SLC7A2: variants seen among roughly 807,000 people sequenced by gnomAD.
SLC7A2 encodes cationic amino acid transporter 2.
SLC7A2 carries 48 observed loss-of-function variants against 58.9 expected under a neutral mutation model. The ratio of observed to expected loss-of-function variants is 0.82; its 90% confidence interval spans 0.65 to 1.04. The LOEUF is 1.04. Among genes scored for constraint, SLC7A2 ranks in the 50% least tolerant of loss-of-function variants. SLC7A2 has a pLI of 0.00. For missense variants in SLC7A2, 1,029 were observed against 818.8 expected, an observed-to-expected ratio of 1.26 and a Z score of -3.13; for synonymous variants, 363 against 314.5, an observed-to-expected ratio of 1.15 and a Z score of -1.63.
At chr8:17,503,055 A>T (rs1449329189) in intron 2 of SLC7A2, among the ~76,000 whole-genome samples, 2 of 151,536 alleles carry the variant, frequency 1.3e-5, no homozygotes, top group African/African-American at 4.8e-5. Flanking sequence ...TATTTATTTT[A>T]TTTTATTTTT....
intron 2 of SLC7A2, among the ~76,000 whole-genome samples, chr8:17,510,247 TA>T (rs1283072980): frequency 6.6e-6 from 1 of 151,480 alleles, no homozygotes; most frequent in African/African-American, 2.4e-5. Flanking sequence ...ATAATAATAA[TA>T]ATAATAAAAG....
intron 7 of SLC7A2, among the ~76,000 whole-genome samples, chr8:17,552,905 T>C (rs1044932517): frequency 1.3e-5 from 2 of 152,220 alleles, no homozygotes; most frequent in Admixed American, 1.3e-4. Flanking sequence ...AATAAGGTTC[T>C]GAAAGTCTGA....
chr8:17,507,001 A>G (rs902085501), intron 2 of SLC7A2, among the ~76,000 whole-genome samples: 2 of 150,796 alleles, frequency 1.3e-5, no homozygotes, highest in Non-Finnish European at 2.9e-5. Flanking sequence ...CTGGAGTGCA[A>G]TGGTGCAATC....
At chr8:17,535,747 A>G (rs2150722202) in intron 2 of SLC7A2, among the ~76,000 whole-genome samples, 1 of 152,246 alleles carries the variant, frequency 6.6e-6, no homozygotes, top group Non-Finnish European at 1.5e-5. Flanking sequence ...TACTAAAAAT[A>G]CAAAAATTAG....
chr8:17,543,079 A>T (rs932505630), intron 2 of SLC7A2, among the ~76,000 whole-genome samples: 8 of 152,150 alleles, frequency 5.3e-5, no homozygotes, highest in Non-Finnish European at 1.0e-4. Context: ...GCAGTCTCTT[A>T]TAAGGGGACG....
At chr8:17,523,116 C>G (rs1801082992) in intron 2 of SLC7A2, among the ~76,000 whole-genome samples, 1 of 151,990 alleles carries the variant, frequency 6.6e-6, no homozygotes, top group East Asian at 1.9e-4. Context: ...TGTAACAAAC[C>G]TGCATGTTCT....
At chr8:17,520,023 G>A (rs76973246) in intron 2 of SLC7A2, among the ~76,000 whole-genome samples, 5,839 of 152,212 alleles carry the variant, frequency 0.038, 167 homozygotes, top group Middle Eastern at 0.17. Flanking sequence ...AAGAATTAGT[G>A]ATGATCAGAG....
chr8:17,550,149 C>T (rs1339002268), intron 5 of SLC7A2, 152 bp from the exon 6 acceptor site: 8 of 684,734 alleles, frequency 1.2e-5, no homozygotes, highest in Non-Finnish European at 1.5e-5. Flanking sequence ...TTCTGTAGCA[C>T]AGGGTGAGAG....
At position 17,544,672 on chromosome 8, in the gene SLC7A2, C is replaced by T; in HGVS notation, c.532+66C>T. On this transcript the variant is annotated intron_variant, in intron 4 of 12. Coordinates refer to ENST00000494857, the MANE Select transcript of SLC7A2 (RefSeq NM_001370338.1). ...CTATTTGTCTCAGGAAAATAGGTTA[C>T]TTCTGAATTTGGGGCCTGAGTTCCC... is the stretch of plus-strand genomic sequence containing the variant. 3.4e-6 allele frequency: 5 copies of T among 1,451,414 alleles called. No homozygotes were observed. The Middle Eastern group carries it at 5.4e-4, about 157-fold the overall frequency. The allele number at this position is 1,451,414 out of a possible 1,614,324, so 89.9% of individuals were successfully genotyped here. A position where few individuals can be genotyped will look rare whatever the true frequency, so the allele number is the denominator to read the frequency against.
chr8:17,554,607 C>G lies in SLC7A2; in HGVS notation c.1103C>G (p.Ala368Gly), dbSNP rs376240561. 1.2e-6 allele frequency: 2 copies of G among 1,613,110 alleles called. No homozygotes were observed. The highest frequency in any genetic ancestry group is 1.3e-5 in the African/African-American group (1 of 74,972). Reference protein sequence around the residue: ...FPMPRVIYAMAEDGLLFKCLA... With the variant: ...FPMPRVIYAMGEDGLLFKCLA... ...ATGCCTCGTGTAATCTATGCTATGG[C>G]GGAGGATGGGTTGCTTTTCAAATGT... Residue 368 changes from alanine to glycine, a missense_variant, in exon 8 of 13, where the codon GCG becomes GGG. By Grantham distance (60) the Ala-to-Gly change is moderately conservative. Coordinates refer to ENST00000494857, the MANE Select transcript of SLC7A2 (RefSeq NM_001370338.1).
rs754501359 is a variant in SLC7A2 at position 17,560,464 on chromosome 8, C to A, written c.1435C>A (p.Leu479Ile). ...GAGACAGGGCTTCAGCATGCGGACC[C>A]TCTTCTGCCCCTCCCTTCTGCCAAC... The part of the protein sequence containing the change: ...LQRQGFSMRT[L>I]FCPSLLPTQQ... The change falls in exon 10 of 13, where the codon CTC becomes ATC. Residue 479 changes from leucine (L) to isoleucine (I), a missense_variant. Coordinates refer to ENST00000494857, the MANE Select transcript of SLC7A2 (RefSeq NM_001370338.1). 6.2e-6 allele frequency: 10 copies of A among 1,614,006 alleles called. No individual in the cohort carries two copies. Among genetic ancestry groups the A allele is most frequent in the African/African-American group, 1.3e-5 (1 of 75,034 alleles).
chr8:17,504,962 C>T (rs568549781), intron 2 of SLC7A2, among the ~76,000 whole-genome samples: 1 of 152,272 alleles, frequency 6.6e-6, no homozygotes, highest in Admixed American at 6.5e-5. Context: ...TGTTTACATT[C>T]GTGCCTCTGT....
intron 2 of SLC7A2, among the ~76,000 whole-genome samples, chr8:17,528,374 T>A (rs1198882433): frequency 1.3e-5 from 2 of 152,138 alleles, no homozygotes; most frequent in African/African-American, 4.8e-5. Context: ...GTGTGGCCAT[T>A]ACGCTTTTTT....
intron 2 of SLC7A2, among the ~76,000 whole-genome samples, chr8:17,542,840 G>A (rs1396810468): frequency 2.0e-5 from 3 of 151,752 alleles, no homozygotes; most frequent in Non-Finnish European, 4.4e-5. Context: ...CTGTAACCCC[G>A]AGGTTGAGCT....
chr8:17,496,434 A>C (rs1032995824), upstream of SLC7A2, among the ~76,000 whole-genome samples: 5 of 152,174 alleles, frequency 3.3e-5, no homozygotes, highest in African/African-American at 1.2e-4. Flanking sequence ...TCACATTGTG[A>C]CTTAATCTTA....
intron 8 of SLC7A2, among the ~76,000 whole-genome samples, chr8:17,555,312 T>C (rs1450371998): frequency 6.6e-6 from 1 of 152,178 alleles, no homozygotes; most frequent in African/African-American, 2.4e-5. Context: ...ACTGTTTTGT[T>C]ATTTTAATCT....
chr8:17,536,069 A>C (rs767689513), intron 2 of SLC7A2, among the ~76,000 whole-genome samples: 2 of 151,242 alleles, frequency 1.3e-5, no homozygotes, highest in African/African-American at 4.9e-5. Flanking sequence ...TACATGAATT[A>C]TCGCTCTGCC....
chr8:17,503,726 G>A (rs1800259633), intron 2 of SLC7A2, among the ~76,000 whole-genome samples: 1 of 152,202 alleles, frequency 6.6e-6, no homozygotes, highest in African/African-American at 2.4e-5. Context: ...ATTCCTGTGG[G>A]AAAAGCCTGA....
At chr8:17,539,260 G>A (rs1464018923) in intron 2 of SLC7A2, among the ~76,000 whole-genome samples, 3 of 152,092 alleles carry the variant, frequency 2.0e-5, no homozygotes, top group Admixed American at 6.6e-5. Flanking sequence ...TTAGCTTTTT[G>A]GCAAGAATTA....
Sources: gnomAD v4.1 joint callset for allele counts (sites outside exome capture counted in the v4.1 genomes callset) on GRCh38, gnomAD v4.1.1 for gene constraint, MANE v1.5 for transcripts, NCBI Gene and HGNC (gene_info 2026-07-23, HGNC 2026-07-21) for gene names.